Variants in EPHB1 observed in about 807,000 individuals in gnomAD.
EPHB1 encodes EPH receptor B1.
EPHB1 carries 30 observed loss-of-function variants against 94.4 expected under a neutral mutation model. That is an observed-to-expected ratio of 0.32 (90% CI 0.24 to 0.43). The LOEUF (loss-of-function observed/expected upper bound fraction) is 0.43. EPHB1 is among the 20% of genes least tolerant of loss of function. EPHB1 has a pLI of 1.00. For missense variants in EPHB1, 1,055 were observed against 1,308.3 expected, an observed-to-expected ratio of 0.81 and a Z score of 2.99; for synonymous variants, 522 against 489.1, an observed-to-expected ratio of 1.07 and a Z score of -0.89.
chr3:134,825,129 G>T (rs1213204000), intron 1 of EPHB1, among the ~76,000 whole-genome samples: 1 of 152,204 alleles, frequency 6.6e-6, no homozygotes, highest in Non-Finnish European at 1.5e-5. Flanking sequence ...ACCCAGACAG[G>T]TCCAGGGTCA....
intron 4 of EPHB1, among the ~76,000 whole-genome samples, chr3:135,125,371 A>G (rs1940156658): frequency 6.7e-6 from 1 of 148,762 alleles, no homozygotes; most frequent in Non-Finnish European, 1.5e-5. Context: ...GACAGAGAAC[A>G]CATAGGCTTA....
chr3:135,094,992 C>T (rs562504959), intron 3 of EPHB1, among the ~76,000 whole-genome samples: 4 of 152,192 alleles, frequency 2.6e-5, no homozygotes, highest in Non-Finnish European at 5.9e-5. Context: ...TGCAGGCCAG[C>T]GGTCAAGGGA....
intron 3 of EPHB1, among the ~76,000 whole-genome samples, chr3:135,011,248 G>A (rs917934805): frequency 5.9e-5 from 9 of 152,116 alleles, no homozygotes; most frequent in African/African-American, 1.9e-4. Flanking sequence ...TCAGTTTTAG[G>A]GCAGGCCTCA....
intron 1 of EPHB1, among the ~76,000 whole-genome samples, chr3:134,922,587 A>G (rs765662958): frequency 3.3e-5 from 5 of 152,194 alleles, no homozygotes; most frequent in Admixed American, 6.5e-5. Context: ...ACGACAAAGA[A>G]GTAAGGTTGA....
chr3:134,959,035 T>C (rs1370832277), intron 3 of EPHB1, among the ~76,000 whole-genome samples: 2 of 152,222 alleles, frequency 1.3e-5, no homozygotes, highest in Non-Finnish European at 2.9e-5. Context: ...GTCCCATGCA[T>C]GAGAGCTGCC....
chr3:135,123,854 C>A (rs1231927624), intron 4 of EPHB1, among the ~76,000 whole-genome samples: 1 of 151,684 alleles, frequency 6.6e-6, no homozygotes, highest in Non-Finnish European at 1.5e-5. Flanking sequence ...CCCAAGCCAC[C>A]ATCACCTCTC....
intron 1 of EPHB1, among the ~76,000 whole-genome samples, chr3:134,889,636 C>CT (rs141526056): frequency 4.0e-5 from 6 of 151,706 alleles, no homozygotes; most frequent in South Asian, 2.1e-4. Context: ...TCTTACAGCT[C>CT]TTTTTTTTGA....
intron 3 of EPHB1, among the ~76,000 whole-genome samples, chr3:135,023,575 G>A (rs1380434133): frequency 6.6e-6 from 1 of 152,122 alleles, no homozygotes; most frequent in African/African-American, 2.4e-5. Context: ...TTTTTATTTA[G>A]AACTTAGGGG....
chr3:135,146,595 T>C (rs1941018824), intron 5 of EPHB1, among the ~76,000 whole-genome samples: 1 of 152,190 alleles, frequency 6.6e-6, no homozygotes, highest in African/African-American at 2.4e-5. Context: ...TTGCTTCAGG[T>C]TATCTCAAAA....
At chr3:134,808,482 AG>A (rs1430367393) in intron 1 of EPHB1, among the ~76,000 whole-genome samples, 1 of 152,172 alleles carries the variant, frequency 6.6e-6, no homozygotes, top group Non-Finnish European at 1.5e-5. Flanking sequence ...GTCCAGGAGA[AG>A]CAAGAATGAG....
chr3:134,895,128 A>G, intron 1 of EPHB1, among the ~76,000 whole-genome samples: 1 of 152,212 alleles, frequency 6.6e-6, no homozygotes, highest in South Asian at 2.1e-4. Context: ...TACAAAATTA[A>G]TGCAAAATAG....
intron 3 of EPHB1, among the ~76,000 whole-genome samples, chr3:134,994,986 TTGTGTGTGTGTGTG>T (rs57873051): frequency 6.7e-5 from 10 of 148,380 alleles, no homozygotes; most frequent in Admixed American, 1.3e-4. Flanking sequence ...TTACATACAC[TTGTGTGTGTGTGTG>T]TGTGTGTGTG....
At position 135,249,437 on chromosome 3, in the gene EPHB1, G is replaced by T; in HGVS notation, c.2792G>T (p.Ser931Ile). Residue 931 changes from serine to isoleucine, a missense_variant, in exon 15 of 16, where the codon AGC (serine) becomes ATC (isoleucine). Transcript: ENST00000398015. The part of the protein sequence containing the change: ...SAIKMVQYRD[S>I]FLTAGFTSLQ... Reference sequence around the variant, plus strand: ...ATCAAAATGGTCCAGTACAGGGACAGCTTCCTCACTGCTGGCTTCACCTCC... The same window carrying T: ...ATCAAAATGGTCCAGTACAGGGACATCTTCCTCACTGCTGGCTTCACCTCC... The T allele has an allele frequency of 6.2e-7, 1 of 1,614,052 alleles. No individual in the cohort carries two copies. Among genetic ancestry groups the T allele is most frequent in the Non-Finnish European group, 8.5e-7 (1 of 1,179,900 alleles).
chr3:135,052,890 A>AAAAAAAAAAAAT (rs1553726757), intron 3 of EPHB1, among the ~76,000 whole-genome samples: 1 of 54,622 alleles, frequency 1.8e-5, no homozygotes, highest in Non-Finnish European at 2.9e-5. Flanking sequence ...AAAAAAAAAA[A>AAAAAAAAAAAAT]ATATATATAT....
At chr3:135,133,511 C>T (rs1024693790) in intron 5 of EPHB1, among the ~76,000 whole-genome samples, 10 of 152,122 alleles carry the variant, frequency 6.6e-5, no homozygotes, top group African/African-American at 1.9e-4. Flanking sequence ...GAGAACAGGA[C>T]GACAAATGAT....
intron 3 of EPHB1, among the ~76,000 whole-genome samples, chr3:135,056,691 A>G (rs1012905309): frequency 1.3e-5 from 2 of 152,262 alleles, no homozygotes; most frequent in East Asian, 1.9e-4. Flanking sequence ...TAGATTTCCA[A>G]TAGATTTCAT....
At chr3:135,018,659 C>T (rs1935886088) in intron 3 of EPHB1, among the ~76,000 whole-genome samples, 1 of 152,206 alleles carries the variant, frequency 6.6e-6, no homozygotes, top group South Asian at 2.1e-4. Context: ...GAAACCTCTG[C>T]TTACACCAGC....
chr3:135,237,609 C>G (rs548038795), intron 12 of EPHB1, among the ~76,000 whole-genome samples: 1 of 152,298 alleles, frequency 6.6e-6, no homozygotes, highest in East Asian at 1.9e-4. Context: ...CCCAGGGAAG[C>G]AAGTCATCTG....
chr3:135,257,687 C>G (rs1324695792), intron 15 of EPHB1, among the ~76,000 whole-genome samples: 2 of 147,256 alleles, frequency 1.4e-5, no homozygotes, highest in Non-Finnish European at 3.0e-5. Context: ...CTGTGCCCTG[C>G]CCCCAGAGGT....
Sources: gnomAD v4.1 joint callset for allele counts (sites outside exome capture counted in the v4.1 genomes callset) on GRCh38, gnomAD v4.1.1 for gene constraint, MANE v1.5 for transcripts, NCBI Gene and HGNC (gene_info 2026-07-23, HGNC 2026-07-21) for gene names.